The following COL25A1 variants were observed in gnomAD, a reference collection of about 807,000 sequenced individuals.
COL25A1 encodes the protein collagen alpha-1(XXV) chain.
Under a neutral mutation model 128.4 loss-of-function variants are expected in COL25A1, and 103 were observed. That is an observed-to-expected ratio of 0.80 (90% confidence interval 0.68 to 0.94). The LOEUF (loss-of-function observed/expected upper bound fraction) is 0.94. COL25A1 is among the 40% of genes least tolerant of loss of function. COL25A1 has a pLI of 0.00. For missense variants in COL25A1, 745 were observed against 840.0 expected, an observed-to-expected ratio of 0.89 and a Z score of 1.40; for synonymous variants, 279 against 277.2, an observed-to-expected ratio of 1.01 and a Z score of -0.06.
At chr4:108,868,865 GAAGA>G (rs1262938112) in intron 20 of COL25A1, among the ~76,000 whole-genome samples, 1 of 139,986 alleles carries the variant, frequency 7.1e-6, no homozygotes, top group Admixed American at 7.5e-5. Flanking sequence ...AAGAAGGAAG[GAAGA>G]GAGAGAGAGA....
intron 17 of COL25A1, 53 bp downstream of exon 17, chr4:108,889,648 A>G: frequency 1.3e-6 from 2 of 1,535,708 alleles, no homozygotes; most frequent in Non-Finnish European, 1.8e-6. Context: ...AGAGGCCTAT[A>G]AAAATCAGAA....
Position 108,825,353 on chromosome 4 carries a change from C to A in COL25A1, c.1765-131G>T, listed in dbSNP as rs960299287. ...ACTTCAGAAATGTGAAAAAGATTCT[C>A]ATTTGGATTAGTGACTGTTAGTGTT... On this transcript the variant is annotated intron_variant, in intron 33 of 37. Transcript: ENST00000399132. 35 of 752,368 alleles carry A rather than the reference C, an allele frequency of 4.7e-5. No homozygotes were observed. The African/African-American group carries it at 5.8e-4, about 12-fold the overall frequency. The allele number at this position is 752,368 out of a possible 1,614,324, so 46.6% of individuals were successfully genotyped here. A position where few individuals can be genotyped will look rare whatever the true frequency, so the allele number is the denominator to read the frequency against.
chr4:109,072,337 G>A lies in COL25A1; in HGVS notation c.368-22158C>T, dbSNP rs1417978336. 2.0e-5 allele frequency among the ~76,000 whole-genome samples: 3 copies of A among 152,066 alleles called. No individual in the cohort carries two copies. The East Asian group carries it at 5.8e-4, about 29-fold the overall frequency. On this transcript the variant is annotated intron_variant, in intron 3 of 37. Coordinates refer to ENST00000399132, the MANE Select transcript of COL25A1 (RefSeq NM_198721.4). The stretch of plus-strand genomic sequence containing the variant: ...CTCACGTTTTCTTCCTTCCTAATTA[G>A]GTTGAACATTTTTTATTTAATAGTT...
At chr4:109,300,955 T>C (rs1346607170) in intron 2 of COL25A1, among the ~76,000 whole-genome samples, 2 of 152,230 alleles carry the variant, frequency 1.3e-5, no homozygotes, top group African/African-American at 4.8e-5. Context: ...CACTAAAATG[T>C]TGCAGTATTA....
rs72892736 is a variant in COL25A1 at position 109,265,656 on chromosome 4, G to A, written c.367+34927C>T. Among the ~76,000 whole-genome samples the A allele has an allele frequency of 8.6e-3, 1,301 of 151,836 alleles. 17 individuals are homozygous for A. The highest frequency in any genetic ancestry group is 0.03 in the African/African-American group (1,240 of 41,400). ...ACCATAACTTGAGAATCCCAGTGAT[G>A]TCAGGACTCTCCTGAACAGCCATTG... is the stretch of plus-strand genomic sequence containing the variant. On this transcript the variant is annotated intron_variant, in intron 3 of 37. Transcript: ENST00000399132.
intron 20 of COL25A1, among the ~76,000 whole-genome samples, chr4:108,865,209 A>T (rs7654940): frequency 0.5 from 76,214 of 152,018 alleles, 21,163 homozygotes; most frequent in East Asian, 0.93. Flanking sequence ...ATATTTATGG[A>T]TGAAAGAGGT....
At chr4:109,285,099 C>A (rs1348146969) in intron 3 of COL25A1, among the ~76,000 whole-genome samples, 2 of 151,936 alleles carry the variant, frequency 1.3e-5, no homozygotes. Flanking sequence ...ATCAGTTGCA[C>A]AAATTTAAGA....
chr4:109,270,768 T>C (rs554544020), intron 3 of COL25A1, among the ~76,000 whole-genome samples: 1 of 152,314 alleles, frequency 6.6e-6, no homozygotes, highest in Admixed American at 6.5e-5. Context: ...CTATACTATG[T>C]GTCAGGTCCT....
intron 23 of COL25A1, 25 bp from the exon 24 acceptor site, chr4:108,859,758 A>T (rs768321794): frequency 6.3e-7 from 1 of 1,580,420 alleles, no homozygotes; most frequent in South Asian, 1.1e-5. Context: ...ATCAAGGGAA[A>T]ATCATGGGTA....
intron 6 of COL25A1, among the ~76,000 whole-genome samples, chr4:109,002,093 C>T (rs1027500878): frequency 2.6e-5 from 4 of 152,152 alleles, no homozygotes; most frequent in Admixed American, 2.6e-4. Context: ...AAAGGGAATC[C>T]TCGTACACGG....
At chr4:109,078,509 A>T (rs1370074300) in intron 3 of COL25A1, among the ~76,000 whole-genome samples, 2 of 152,238 alleles carry the variant, frequency 1.3e-5, no homozygotes, top group Non-Finnish European at 2.9e-5. Context: ...AAGTTTAGAA[A>T]AGCATGTTTA....
chr4:109,268,479 G>A (rs182002148), intron 3 of COL25A1, among the ~76,000 whole-genome samples: 1 of 152,130 alleles, frequency 6.6e-6, no homozygotes, highest in East Asian at 1.9e-4. Context: ...ATTTCTTCTG[G>A]GTAGATGAGC....
rs118165513 is a variant in COL25A1 at position 108,845,102 on chromosome 4, C to T, written c.1578+87G>A. On this transcript the variant is annotated intron_variant, in intron 29 of 37. Transcript: ENST00000399132. ...TTGAGGTCTGTCTACTGTTGTGCAGCCATCTGGCAGAGGTGGAATAGGTAA... is the reference window on the plus strand; with the variant it reads ...TTGAGGTCTGTCTACTGTTGTGCAGTCATCTGGCAGAGGTGGAATAGGTAA... The T allele has an allele frequency of 2.0e-4, 218 of 1,114,446 alleles. 3 individuals carry two copies. In the East Asian group the frequency reaches 5.1e-3, roughly 26 times the overall value. 69.0% of individuals were successfully genotyped at this position (1,114,446 alleles called of 1,614,324 possible).
intron 31 of COL25A1, chr4:108,834,331 G>C (rs2125735107): frequency 6.5e-7 from 1 of 1,550,124 alleles, no homozygotes; most frequent in South Asian, 1.2e-5. Context: ...AAACATGTCA[G>C]AGCAAGACAA....
chr4:109,008,782 A>C (rs1756298845), intron 6 of COL25A1, among the ~76,000 whole-genome samples: 1 of 152,006 alleles, frequency 6.6e-6, no homozygotes, highest in African/African-American at 2.4e-5. Flanking sequence ...CACACGTAGG[A>C]TAATAATACT....
intron 3 of COL25A1, among the ~76,000 whole-genome samples, chr4:109,074,042 C>T (rs1370126445): frequency 6.6e-6 from 1 of 152,180 alleles, no homozygotes; most frequent in African/African-American, 2.4e-5. Context: ...GGGTGGGTGG[C>T]TGTGGTTTTC....
At chr4:109,123,739 T>C (rs1406144675) in intron 3 of COL25A1, among the ~76,000 whole-genome samples, 2 of 152,074 alleles carry the variant, frequency 1.3e-5, no homozygotes, top group East Asian at 1.9e-4. Context: ...ATGATATATA[T>C]GCAATTATTC....
intron 3 of COL25A1, among the ~76,000 whole-genome samples, chr4:109,183,515 T>A (rs1284847578): frequency 6.6e-6 from 1 of 152,202 alleles, no homozygotes; most frequent in Non-Finnish European, 1.5e-5. Flanking sequence ...CTTCTTCCCA[T>A]ACTCCAAGTG....
At chr4:108,995,755 C>T (rs1038868046) in intron 6 of COL25A1, among the ~76,000 whole-genome samples, 10 of 152,180 alleles carry the variant, frequency 6.6e-5, no homozygotes, top group Non-Finnish European at 1.5e-4. Flanking sequence ...GCCCATCAGA[C>T]TAACAGTGGA....
Sources: allele counts gnomAD v4.1 joint callset (sites outside exome capture counted in the v4.1 genomes callset), GRCh38; gene constraint gnomAD v4.1.1; transcripts MANE v1.5; gene names NCBI Gene and HGNC (gene_info 2026-07-23, HGNC 2026-07-21).